ATRN: variants seen among roughly 807,000 people sequenced by gnomAD.
The protein encoded by ATRN is attractin-2.
ATRN carries 54 observed loss-of-function variants against 178.7 expected under a neutral mutation model. The ratio of observed to expected loss-of-function variants is 0.30; its 90% confidence interval spans 0.24 to 0.38. The LOEUF is 0.38. ATRN is among the 10% of genes least tolerant of loss of function. ATRN has a pLI of 1.00. For synonymous variants in ATRN, 636 were observed against 663.0 expected, an observed-to-expected ratio of 0.96 and a Z score of 0.63; for missense variants, 1,443 against 1,815.1, an observed-to-expected ratio of 0.79 and a Z score of 3.73.
chr20:3,545,440 T>C (rs1409218980), intron 3 of ATRN, among the ~76,000 whole-genome samples: 1 of 152,052 alleles, frequency 6.6e-6, no homozygotes, highest in East Asian at 1.9e-4. Flanking sequence ...TCATAAAATT[T>C]GTTACTTTAT....
chr20:3,588,487 G>A (rs1600134839), intron 18 of ATRN, among the ~76,000 whole-genome samples: 1 of 152,218 alleles, frequency 6.6e-6, no homozygotes, highest in East Asian at 1.9e-4. Flanking sequence ...CATTAATTAA[G>A]AATGTTAAAC....
chr20:3,530,568 C>T (rs1012352346), intron 1 of ATRN, among the ~76,000 whole-genome samples: 76 of 152,004 alleles, frequency 5.0e-4, no homozygotes, highest in African/African-American at 1.7e-3. Flanking sequence ...GTGTGAGCCA[C>T]TACGCCTGGC....
chr20:3,556,524 C>A lies in ATRN; in HGVS notation c.1113-2869C>A, dbSNP rs1200688475. On this transcript the variant is annotated intron_variant, in intron 6 of 28. Transcript: ENST00000262919. ...AGTTTGAAACCTGTACCCTGTGGTA[C>A]ATGATGGTCATTGGCTTGCCAGCCA... Among the ~76,000 whole-genome samples, 4 of 152,282 alleles carry A rather than the reference C, an allele frequency of 2.6e-5. No individual in the cohort carries two copies. The East Asian group carries it at 7.7e-4, about 29-fold the overall frequency.
chr20:3,490,872 C>T, intron 1 of ATRN: 2 of 906,144 alleles, frequency 2.2e-6, no homozygotes, highest in South Asian at 2.6e-5. Context: ...CTCCATATAC[C>T]TATCTTGCAT....
chr20:3,608,938 C>A (rs1306953909), intron 24 of ATRN, among the ~76,000 whole-genome samples: 1 of 149,950 alleles, frequency 6.7e-6, no homozygotes, highest in Non-Finnish European at 1.5e-5. Context: ...CTACATTCTA[C>A]CCTGGGCAAA....
intron 4 of ATRN, among the ~76,000 whole-genome samples, chr20:3,546,253 C>G (rs1260954370): frequency 6.6e-6 from 1 of 152,140 alleles, no homozygotes; most frequent in African/African-American, 2.4e-5. Context: ...TTGTCATGTA[C>G]TCGATAGTAG....
chr20:3,517,142 T>A (rs1237224055), intron 1 of ATRN, among the ~76,000 whole-genome samples: 1 of 152,220 alleles, frequency 6.6e-6, no homozygotes, highest in Non-Finnish European at 1.5e-5. Flanking sequence ...CTCCCCAGCA[T>A]CTGTTGTTTC....
chr20:3,506,596 G>T (rs951080964), intron 1 of ATRN, among the ~76,000 whole-genome samples: 1 of 150,434 alleles, frequency 6.6e-6, no homozygotes, highest in Non-Finnish European at 1.5e-5. Context: ...CTGCACTCCA[G>T]CCTGGGTGAC....
rs182037051 is a variant in ATRN at position 3,648,081 on chromosome 20, C to T, written c.*1234C>T. Reference sequence around the variant, plus strand: ...TGGTTCATTCTCAGGCTGGGGTGGACTCAGATGCCAGGAAAGGGACAGCCT... The same window carrying T: ...TGGTTCATTCTCAGGCTGGGGTGGATTCAGATGCCAGGAAAGGGACAGCCT... On this transcript the variant is annotated 3_prime_UTR_variant, in exon 29 of 29. Coordinates refer to ENST00000262919, the MANE Select transcript of ATRN (RefSeq NM_139321.3). The T allele has an allele frequency of 1.1e-4, 17 of 152,318 alleles. No homozygotes were observed. In the East Asian group the frequency reaches 3.1e-3, roughly 28 times the overall value. The allele number at this position is 152,318 out of a possible 1,614,324, so 9.4% of individuals were successfully genotyped here. A position where few individuals can be genotyped will look rare whatever the true frequency, so the allele number is the denominator to read the frequency against.
At chr20:3,542,579 T>C (rs1600091173) in intron 3 of ATRN, among the ~76,000 whole-genome samples, 1 of 105,058 alleles carries the variant, frequency 9.5e-6, no homozygotes. Context: ...TTCCCCTTTC[T>C]CCTTCCCCTT....
At chr20:3,582,006 A>C (rs2086288286) in intron 15 of ATRN, 129 bp from the exon 16 acceptor site, 7 of 818,512 alleles carry the variant, frequency 8.6e-6, no homozygotes, top group African/African-American at 1.7e-5. Flanking sequence ...TTGGGAGGCC[A>C]AGGTGGGAGG....
intron 15 of ATRN, among the ~76,000 whole-genome samples, chr20:3,580,653 C>T (rs1487667659): frequency 6.6e-6 from 1 of 152,094 alleles, no homozygotes; most frequent in Non-Finnish European, 1.5e-5. Flanking sequence ...TTAGTGCCCC[C>T]ATCTGTGAGA....
intron 19 of ATRN, among the ~76,000 whole-genome samples, chr20:3,593,179 C>G (rs1281068995): frequency 6.6e-6 from 1 of 152,200 alleles, no homozygotes; most frequent in Non-Finnish European, 1.5e-5. Context: ...ATACCCACAT[C>G]AGCAGCTGCT....
At chr20:3,506,665 G>A (rs2085048978) in intron 1 of ATRN, among the ~76,000 whole-genome samples, 2 of 151,338 alleles carry the variant, frequency 1.3e-5, no homozygotes. Context: ...TGGGGTTCTG[G>A]ATTGGATTTT....
intron 6 of ATRN, among the ~76,000 whole-genome samples, chr20:3,558,163 A>G (rs1374667909): frequency 2.0e-5 from 3 of 152,324 alleles, no homozygotes; most frequent in South Asian, 4.1e-4. Context: ...TATATGTTAT[A>G]CATTACAGAT....
chr20:3,565,056 C>T (rs919602213), intron 10 of ATRN, among the ~76,000 whole-genome samples: 7 of 152,034 alleles, frequency 4.6e-5, no homozygotes, highest in African/African-American at 1.5e-4. Flanking sequence ...CAGAGCGAGA[C>T]TCTGTCTCAA....
intron 21 of ATRN, among the ~76,000 whole-genome samples, chr20:3,597,059 C>CATATATATATATAT (rs1405842422): frequency 2.9e-4 from 7 of 24,364 alleles, no homozygotes; most frequent in African/African-American, 9.2e-4. Context: ...AATATGACTT[C>CATATATATATATAT]ATATATATAT....
At chr20:3,543,338 G>T (rs750652493) in intron 3 of ATRN, among the ~76,000 whole-genome samples, 1 of 152,194 alleles carries the variant, frequency 6.6e-6, no homozygotes, top group Non-Finnish European at 1.5e-5. Flanking sequence ...GTAAATATTT[G>T]TTAGTTGAAT....
chr20:3,603,959 A>G (rs1244586014), intron 23 of ATRN, 146 bp from the exon 24 acceptor site: 1 of 613,562 alleles, frequency 1.6e-6, no homozygotes, highest in East Asian at 3.0e-5. Flanking sequence ...TGAGGATTAA[A>G]TGAGATTGAG....
Sources: allele counts gnomAD v4.1 joint callset (sites outside exome capture counted in the v4.1 genomes callset), GRCh38; gene constraint gnomAD v4.1.1; transcripts MANE v1.5; gene names NCBI Gene and HGNC (gene_info 2026-07-23, HGNC 2026-07-21).